Variants in C6 observed in about 807,000 individuals in gnomAD.
C6 encodes the protein complement component C6.
C6 carries 101 observed loss-of-function variants against 112.9 expected under a neutral mutation model. That is an observed-to-expected ratio of 0.89 (90% confidence interval 0.76 to 1.06). The LOEUF is 1.06. Among genes scored for constraint, C6 ranks in the 50% least tolerant of loss-of-function variants. C6 has a pLI of 0.00. For synonymous variants in C6, 431 were observed against 384.1 expected, an observed-to-expected ratio of 1.12 and a Z score of -1.43; for missense variants, 1,202 against 1,104.6, an observed-to-expected ratio of 1.09 and a Z score of -1.25.
intron 5 of C6, among the ~76,000 whole-genome samples, chr5:41,189,300 T>C (rs149343221): frequency 6.6e-5 from 10 of 152,180 alleles, no homozygotes; most frequent in Non-Finnish European, 1.5e-4. Context: ...ATTGAAAATA[T>C]ATATCAATGC....
intron 9 of C6, among the ~76,000 whole-genome samples, chr5:41,166,064 C>A (rs1352434147): frequency 1.3e-5 from 2 of 152,034 alleles, no homozygotes; most frequent in Non-Finnish European, 2.9e-5. Flanking sequence ...ATATCAGCTT[C>A]TTAAAAAACT....
chr5:41,231,418 G>T (rs1739891756), intron 1 of C6, among the ~76,000 whole-genome samples: 1 of 152,082 alleles, frequency 6.6e-6, no homozygotes, highest in Non-Finnish European at 1.5e-5. Context: ...TACAGTTAAA[G>T]TTACAGAATT....
chr5:41,191,047 T>A (rs1304061990), intron 5 of C6, among the ~76,000 whole-genome samples: 1 of 150,692 alleles, frequency 6.6e-6, no homozygotes, highest in East Asian at 1.9e-4. Flanking sequence ...TTTTGAAATG[T>A]AGTAGTGTGA....
intron 1 of C6, among the ~76,000 whole-genome samples, chr5:41,260,312 T>G (rs1224512164): frequency 6.6e-6 from 1 of 151,982 alleles, no homozygotes; most frequent in Non-Finnish European, 1.5e-5. Flanking sequence ...TTACATAACT[T>G]TCTTCAGAAA....
intron 1 of C6, among the ~76,000 whole-genome samples, chr5:41,234,343 TTTTTTTG>T (rs1283875576): frequency 3.3e-4 from 48 of 147,558 alleles, no homozygotes; most frequent in Admixed American, 1.2e-3. Flanking sequence ...CTTTCGTTTT[TTTTTTTG>T]TTTTTTGTTT....
intron 13 of C6, among the ~76,000 whole-genome samples, chr5:41,157,581 G>A (rs1397016623): frequency 6.6e-6 from 1 of 151,974 alleles, no homozygotes; most frequent in Non-Finnish European, 1.5e-5. Context: ...TTTTTAAGTG[G>A]CAGGTCAAAT....
At chr5:41,185,668 T>TA (rs563705340) in intron 6 of C6, among the ~76,000 whole-genome samples, 8 of 151,408 alleles carry the variant, frequency 5.3e-5, no homozygotes, top group East Asian at 1.9e-4. Flanking sequence ...CCTGGCACTT[T>TA]AAAAAAAAAG....
intron 1 of C6, among the ~76,000 whole-genome samples, chr5:41,247,562 A>G (rs1489025494): frequency 6.6e-6 from 1 of 152,000 alleles, no homozygotes; most frequent in Non-Finnish European, 1.5e-5. Context: ...ATAAAAATAG[A>G]AAAAAATTAG....
chr5:41,158,613 CA>C, intron 13 of C6, 60 bp downstream of exon 13: 1 of 863,872 alleles, frequency 1.2e-6, no homozygotes, highest in Non-Finnish European at 2.0e-6. Context: ...AATTAAAAGA[CA>C]AGCTATACTT....
At chr5:41,184,726 G>A (rs13167227) in intron 6 of C6, among the ~76,000 whole-genome samples, 54,060 of 151,824 alleles carry the variant, frequency 0.36, 9,971 homozygotes, top group Non-Finnish European at 0.41. Context: ...GCACCCCCTT[G>A]GCCTCTCAAA....
chr5:41,178,657 G>T (rs1480865895), intron 7 of C6, among the ~76,000 whole-genome samples: 1 of 151,330 alleles, frequency 6.6e-6, no homozygotes, highest in African/African-American at 2.4e-5. Flanking sequence ...TGTATTTTTA[G>T]TAGATACAGG....
At chr5:41,224,602 T>A (rs1056715387) in intron 1 of C6, among the ~76,000 whole-genome samples, 1 of 152,148 alleles carries the variant, frequency 6.6e-6, no homozygotes, top group East Asian at 1.9e-4. Context: ...TATTGCTGAA[T>A]AACACTCTGT....
At chr5:41,152,212 G>T (rs2150238876) in intron 15 of C6, among the ~76,000 whole-genome samples, 1 of 152,204 alleles carries the variant, frequency 6.6e-6, no homozygotes, top group South Asian at 2.1e-4. Flanking sequence ...GAAGATTAGG[G>T]AAGGATTCAT....
intron 9 of C6, among the ~76,000 whole-genome samples, chr5:41,162,495 A>G (rs1009186808): frequency 4.1e-4 from 63 of 152,356 alleles, no homozygotes; most frequent in African/African-American, 1.5e-3. Context: ...TTTAGACACA[A>G]TGACATTTAC....
At position 41,159,070 on chromosome 5, in the gene C6, A is replaced by T. The variant is rs957972609; in HGVS notation, c.1856+12T>A. ...GCAAAATGACCCATTCTTTTCCCTTACCCGGCCTTACTTGTTTTCCATGAT... is the reference window on the plus strand; with the variant it reads ...GCAAAATGACCCATTCTTTTCCCTTTCCCGGCCTTACTTGTTTTCCATGAT... On this transcript the variant is annotated intron_variant, in intron 12 of 17. Coordinates refer to ENST00000337836, the MANE Select transcript of C6 (RefSeq NM_000065.5). 3.7e-6 allele frequency: 6 copies of T among 1,613,458 alleles called. No homozygotes were observed. In the African/African-American group the frequency reaches 6.7e-5, roughly 18 times the overall value.
intron 1 of C6, among the ~76,000 whole-genome samples, chr5:41,238,157 G>C (rs1165147733): frequency 1.2e-4 from 12 of 97,882 alleles, no homozygotes; most frequent in African/African-American, 4.4e-4. Context: ...TACTGCCCAA[G>C]GTAATTTACA....
chr5:41,160,387 A>G lies in C6; in HGVS notation c.1459-20T>C, dbSNP rs758475724. The stretch of plus-strand genomic sequence containing the variant: ...GGCAAGCTAGGAGAAAATGGGAGAG[A>G]GGAGGTCCAGTCACATCCCCTTTGG... On this transcript the variant is annotated intron_variant, in intron 10 of 17. Coordinates refer to ENST00000337836, the MANE Select transcript of C6 (RefSeq NM_000065.5). The G allele has an allele frequency of 6.3e-7, 1 of 1,584,370 alleles. No individual in the cohort carries two copies. The highest frequency in any genetic ancestry group is 8.7e-7 in the Non-Finnish European group (1 of 1,153,100).
At chr5:41,198,922 T>C (rs931387681) in intron 4 of C6, among the ~76,000 whole-genome samples, 1 of 152,150 alleles carries the variant, frequency 6.6e-6, no homozygotes, top group African/African-American at 2.4e-5. Flanking sequence ...TCTGATTCCC[T>C]TTTTTGTCAA....
chr5:41,244,667 T>C (rs1000390447), intron 1 of C6, among the ~76,000 whole-genome samples: 40 of 152,112 alleles, frequency 2.6e-4, no homozygotes, highest in African/African-American at 9.4e-4. Flanking sequence ...TTCTTAGATG[T>C]CCCCAGGGGA....
Sources: gnomAD v4.1 joint callset for allele counts (sites outside exome capture counted in the v4.1 genomes callset) on GRCh38, gnomAD v4.1.1 for gene constraint, MANE v1.5 for transcripts, NCBI Gene and HGNC (gene_info 2026-07-23, HGNC 2026-07-21) for gene names.